Variants in NRXN1 observed in about 807,000 individuals in gnomAD.
NRXN1 encodes the protein neurexin 1, also known as neurexin-1.
NRXN1 carries 39 observed loss-of-function variants against 150.9 expected under a neutral mutation model. That is an observed-to-expected ratio of 0.26 (90% CI 0.20 to 0.34). The LOEUF (loss-of-function observed/expected upper bound fraction) is 0.34, where lower values mean the gene tolerates loss of function less well. NRXN1 is among the 10% of genes least tolerant of loss of function. NRXN1 has a pLI of 1.00. For synonymous variants in NRXN1, 924 were observed against 757.0 expected (o/e 1.22, Z -3.62); for missense variants, 1,815 against 1,949.9 (o/e 0.93, Z 1.30).
At chr2:50,600,030 A>G (rs1434608006) in intron 8 of NRXN1, among the ~76,000 whole-genome samples, 1 of 152,156 alleles carries the variant, frequency 6.6e-6, no homozygotes, top group East Asian at 1.9e-4. Flanking sequence ...AGTTCTAGAT[A>G]AAATTAGGAA....
intron 5 of NRXN1, among the ~76,000 whole-genome samples, chr2:50,692,314 T>C (rs1692196624): frequency 1.3e-5 from 2 of 152,226 alleles, no homozygotes; most frequent in African/African-American, 2.4e-5. Flanking sequence ...TTTTATTTTC[T>C]AGTGGTTTCT....
intron 17 of NRXN1, among the ~76,000 whole-genome samples, chr2:50,294,188 T>C (rs1296930600): frequency 1.3e-5 from 2 of 152,148 alleles, no homozygotes; most frequent in Non-Finnish European, 2.9e-5. Flanking sequence ...TGGAGTAAAA[T>C]AAAGTAAGAG....
At chr2:50,486,804 T>A (rs1463976307) in intron 15 of NRXN1, among the ~76,000 whole-genome samples, 1 of 152,078 alleles carries the variant, frequency 6.6e-6, no homozygotes, top group African/African-American at 2.4e-5. Flanking sequence ...TTATGGGAAA[T>A]TGGCCTAAAT....
Position 50,585,321 on chromosome 2 carries a change from G to C in NRXN1, c.1321-32296C>G, listed in dbSNP as rs182915659. Among the ~76,000 whole-genome samples the C allele has an allele frequency of 2.2e-3, 329 of 152,210 alleles. 1 individual carries two copies. The highest frequency in any genetic ancestry group is 7.7e-3 in the African/African-American group (319 of 41,542). ...CCACCTATATGCAGTATCTAAAGTA[G>C]TCAACTCCAGAGAAACAGAAAGTAG... is the stretch of plus-strand genomic sequence containing the variant. On this transcript the variant is annotated intron_variant, in intron 8 of 22. Transcript: ENST00000401669.
At chr2:50,862,542 A>G (rs1273606177) in intron 5 of NRXN1, among the ~76,000 whole-genome samples, 2 of 152,018 alleles carry the variant, frequency 1.3e-5, no homozygotes, top group African/African-American at 4.8e-5. Flanking sequence ...GGAAAGGAGG[A>G]ATACTAGACA....
intron 17 of NRXN1, among the ~76,000 whole-genome samples, chr2:50,265,171 C>T (rs370107112): frequency 6.6e-6 from 1 of 152,032 alleles, no homozygotes; most frequent in Non-Finnish European, 1.5e-5. Context: ...GATAGGCCAA[C>T]TCACCAATTC....
intron 10 of NRXN1, 119 bp from the exon 11 acceptor site, chr2:50,531,549 A>C: frequency 1.4e-6 from 1 of 731,262 alleles, no homozygotes; most frequent in Non-Finnish European, 2.2e-6. Flanking sequence ...ATACTACAAA[A>C]TCAATTCATC....
At chr2:50,709,329 A>C (rs1297802934) in intron 5 of NRXN1, among the ~76,000 whole-genome samples, 3 of 152,178 alleles carry the variant, frequency 2.0e-5, no homozygotes, top group Non-Finnish European at 4.4e-5. Flanking sequence ...GGAAAAATAT[A>C]TTAAGTGTAC....
At chr2:50,348,188 C>T (rs995842523) in intron 17 of NRXN1, among the ~76,000 whole-genome samples, 6 of 152,180 alleles carry the variant, frequency 3.9e-5, no homozygotes, top group Non-Finnish European at 8.8e-5. Context: ...GCATCAGTCG[C>T]GATGATCTGT....
At chr2:50,788,126 G>A (rs982344186) in intron 5 of NRXN1, among the ~76,000 whole-genome samples, 4 of 148,366 alleles carry the variant, frequency 2.7e-5, no homozygotes, top group East Asian at 2.0e-4. Flanking sequence ...TTGCTCTGTC[G>A]CCCAGGCTGG....
intron 18 of NRXN1, among the ~76,000 whole-genome samples, chr2:50,099,359 A>T: frequency 1.0e-5 from 1 of 100,468 alleles, no homozygotes; most frequent in East Asian, 2.4e-4. Context: ...CTTTCACATC[A>T]ATTTTCTTTT....
Position 50,248,872 on chromosome 2 carries a change from T to G in NRXN1, c.3365-11902A>C, listed in dbSNP as rs115800319. 3.9e-3 allele frequency among the ~76,000 whole-genome samples: 587 copies of G among 151,984 alleles called. 4 individuals carry two copies. The highest frequency in any genetic ancestry group is 0.013 in the African/African-American group (553 of 41,468). On this transcript the variant is annotated intron_variant, in intron 17 of 22. Coordinates refer to ENST00000401669, the MANE Select transcript of NRXN1 (RefSeq NM_001330078.2). ...AAATTGGCATACGTTTTGGGCTGGG[T>G]ATGGTGACTCACACCTGTAATCCCA...
chr2:50,169,015 A>G (rs1338677782), intron 18 of NRXN1, among the ~76,000 whole-genome samples: 2 of 152,206 alleles, frequency 1.3e-5, no homozygotes, highest in African/African-American at 4.8e-5. Flanking sequence ...CACACACGGA[A>G]TGCTCATTAG....
chr2:50,916,016 T>C (rs890093584), intron 5 of NRXN1, among the ~76,000 whole-genome samples: 1 of 145,746 alleles, frequency 6.9e-6, no homozygotes, highest in Admixed American at 7.0e-5. Flanking sequence ...CTCCCTCAAA[T>C]GAAAATCTTG....
intron 8 of NRXN1, among the ~76,000 whole-genome samples, chr2:50,595,063 C>G (rs551291627): frequency 6.6e-6 from 1 of 150,596 alleles, no homozygotes. Flanking sequence ...ATCTGCACAT[C>G]CAGATTGGGA....
intron 17 of NRXN1, among the ~76,000 whole-genome samples, chr2:50,289,235 G>T (rs2152941481): frequency 6.6e-6 from 1 of 152,154 alleles, no homozygotes; most frequent in African/African-American, 2.4e-5. Flanking sequence ...AAAAAGACAA[G>T]AACTAGCCAT....
chr2:50,117,115 ATTGT>A (rs1703175825), intron 18 of NRXN1, among the ~76,000 whole-genome samples: 1 of 152,154 alleles, frequency 6.6e-6, no homozygotes, highest in South Asian at 2.1e-4. Flanking sequence ...TTTGATTATG[ATTGT>A]TTGTATCAGA....
intron 8 of NRXN1, among the ~76,000 whole-genome samples, chr2:50,608,220 G>A (rs1006902528): frequency 1.2e-4 from 18 of 152,254 alleles, no homozygotes; most frequent in South Asian, 6.2e-4. Flanking sequence ...GCAGTGTTTC[G>A]TGATCCATAA....
intron 21 of NRXN1, among the ~76,000 whole-genome samples, chr2:50,044,589 T>G (rs1691515210): frequency 6.6e-6 from 1 of 152,200 alleles, no homozygotes. Flanking sequence ...CCTTTAAATT[T>G]GTCTCTGAGA....
Sources: gnomAD v4.1 joint callset for allele counts (sites outside exome capture counted in the v4.1 genomes callset) on GRCh38, gnomAD v4.1.1 for gene constraint, MANE v1.5 for transcripts, NCBI Gene and HGNC (gene_info 2026-07-23, HGNC 2026-07-21) for gene names.